The following E2F3 variants were observed in gnomAD, a reference collection of about 807,000 sequenced individuals.
E2F3 encodes transcription factor E2F3.
A neutral mutation model predicts 44.4 loss-of-function variants in E2F3; 11 were observed. That is an observed-to-expected ratio of 0.25 (90% CI 0.16 to 0.41). E2F3 has a LOEUF of 0.41. Among genes scored for constraint, E2F3 ranks in the 10% least tolerant of loss-of-function variants. The pLI, the probability that E2F3 is intolerant of heterozygous loss-of-function variation, is 1.00. For synonymous variants in E2F3, 249 were observed against 253.0 expected (o/e 0.98, Z 0.15); for missense variants, 487 against 583.6 (o/e 0.83, Z 1.70).
rs1466106877 is a variant in E2F3 at position 20,402,564 on chromosome 6, G to GGCT, written c.338_340dup (p.Leu113dup). ...CCGCACGGACCCTCCAGCAGAGCCG[G>GGCT]GCTGCTGCAGCAGCCACCAGCGCTG... On this transcript the variant is annotated inframe_insertion, in exon 1 of 7. Coordinates refer to ENST00000346618, the MANE Select transcript of E2F3 (RefSeq NM_001949.5). This position sits in a 1 kb window ranked among gnomAD's most constrained non-coding sequence, Gnocchi z 5.6. 6.5e-7 allele frequency: 1 copy of GGCT among 1,549,628 alleles called. No homozygotes were observed. Among genetic ancestry groups the GGCT allele is most frequent in the African/African-American group, 1.4e-5 (1 of 70,528 alleles).
intron 1 of E2F3, among the ~76,000 whole-genome samples, chr6:20,417,086 T>C (rs182619932): frequency 7.9e-5 from 12 of 152,372 alleles, no homozygotes; most frequent in Middle Eastern, 3.4e-3. Context: ...CCTTCAGTTT[T>C]TATTGGCTTC....
chr6:20,464,050 G>T (rs1366124617), intron 1 of E2F3, among the ~76,000 whole-genome samples: 1 of 152,208 alleles, frequency 6.6e-6, no homozygotes, highest in African/African-American at 2.4e-5. Flanking sequence ...ACAGGGCGAG[G>T]TATGGGGGCA....
Position 20,429,474 on chromosome 6 carries a change from A to G in E2F3, c.393+26849A>G, listed in dbSNP as rs544059954. On this transcript the variant is annotated intron_variant, in intron 1 of 6. Coordinates refer to ENST00000346618, the MANE Select transcript of E2F3 (RefSeq NM_001949.5). ...TTCCCCAACCCTCATTCCTTACTGT[A>G]TAGGAAAAAACAGTATGTATAGGGT... Among the ~76,000 whole-genome samples, 9 of 152,242 alleles carry G rather than the reference A, an allele frequency of 5.9e-5. 1 individual carries two copies. Among genetic ancestry groups the G allele is most frequent in the African/African-American group, 2.2e-4 (9 of 41,544 alleles).
intron 1 of E2F3, among the ~76,000 whole-genome samples, chr6:20,410,762 G>A (rs551738527): frequency 4.4e-4 from 67 of 152,284 alleles, no homozygotes; most frequent in South Asian, 2.9e-3. Context: ...GGGATTACAG[G>A]TGTGCGCCAC....
chr6:20,483,045 CTGTGTGTGTA>C (rs1762282393), intron 4 of E2F3, 125 bp downstream of exon 4: 5 of 1,412,268 alleles, frequency 3.5e-6, no homozygotes, highest in African/African-American at 1.4e-5. Context: ...ACCTGTGTGC[CTGTGTGTGTA>C]TGTGTGTGTG....
intron 1 of E2F3, among the ~76,000 whole-genome samples, chr6:20,471,237 A>G (rs777016919): frequency 6.6e-6 from 1 of 152,166 alleles, no homozygotes; most frequent in African/African-American, 2.4e-5. Context: ...ACATTTCAAG[A>G]TATAAATGTA....
chr6:20,422,532 A>G (rs140623379), intron 1 of E2F3, among the ~76,000 whole-genome samples: 27 of 152,304 alleles, frequency 1.8e-4, no homozygotes, highest in Admixed American at 2.6e-4. Context: ...TTTTTTGCCT[A>G]TTTCAGGTTT....
chr6:20,475,856 G>A (rs1004431016), intron 1 of E2F3, among the ~76,000 whole-genome samples: 5 of 152,186 alleles, frequency 3.3e-5, no homozygotes, highest in Non-Finnish European at 7.3e-5. Context: ...GCTTTCTGTA[G>A]AGAAGGCCTC....
intron 1 of E2F3, among the ~76,000 whole-genome samples, chr6:20,436,976 C>T (rs1298545826): frequency 6.6e-6 from 1 of 152,038 alleles, no homozygotes; most frequent in African/African-American, 2.4e-5. Flanking sequence ...AAAAATTAGC[C>T]AGGTGTGGTG....
chr6:20,441,912 G>C (rs1220892266), intron 1 of E2F3, among the ~76,000 whole-genome samples: 1 of 151,810 alleles, frequency 6.6e-6, no homozygotes, highest in African/African-American at 2.4e-5. Context: ...TTTCCACAGC[G>C]GGTGCCCCAT....
rs1342552827 is a variant in E2F3 at position 20,402,847 on chromosome 6, G to T, written c.393+222G>T. On this transcript the variant is annotated intron_variant, in intron 1 of 6. Transcript: ENST00000346618. The surrounding 1 kb of genome is among the most constrained non-coding windows in gnomAD (Gnocchi z 5.6). ...CCAGGCGCGCGGGGCGGCGGGGATT[G>T]CCTTGGCGCGAACCACATCAAACAC... 6.6e-6 allele frequency among the ~76,000 whole-genome samples: 1 copy of T among 152,120 alleles called. No homozygotes were observed.
intron 4 of E2F3, 106 bp downstream of exon 4, chr6:20,483,026 C>A: frequency 1.3e-6 from 2 of 1,511,400 alleles, no homozygotes; most frequent in Non-Finnish European, 9.1e-7. Context: ...TGATGTCATG[C>A]AAATGAGTAC....
At chr6:20,438,331 T>TA (rs1760661230) in intron 1 of E2F3, among the ~76,000 whole-genome samples, 1 of 152,232 alleles carries the variant, frequency 6.6e-6, no homozygotes, top group African/African-American at 2.4e-5. Flanking sequence ...CTAATTTGCA[T>TA]AATCTTACAC....
chr6:20,402,923 C>T lies in E2F3; in HGVS notation c.393+298C>T, dbSNP rs1268578623. On this transcript the variant is annotated intron_variant, in intron 1 of 6. Transcript: ENST00000346618. This position sits in a 1 kb window ranked among gnomAD's most constrained non-coding sequence, Gnocchi z 5.6. ...TCTTTTCCTGCACTTTTCCCTACCC[C>T]CACTCTCCCTTCCCCTCCAACTCGA... Among the ~76,000 whole-genome samples the T allele has an allele frequency of 6.6e-6, 1 of 152,154 alleles. No homozygotes were observed.
rs577028499 is a variant in E2F3 at position 20,454,369 on chromosome 6, C to T, written c.394-25477C>T. 7.7e-4 allele frequency among the ~76,000 whole-genome samples: 117 copies of T among 152,308 alleles called. 2 individuals are homozygous for T. The South Asian group carries it at 0.022, about 29-fold the overall frequency. On this transcript the variant is annotated intron_variant, in intron 1 of 6. Coordinates refer to ENST00000346618, the MANE Select transcript of E2F3 (RefSeq NM_001949.5). Reference sequence around the variant, plus strand: ...TAATTTCATAATGGCAGTTTACAACCCTATAGCACTGCCTTGTGGGCGGAT... The same window carrying T: ...TAATTTCATAATGGCAGTTTACAACTCTATAGCACTGCCTTGTGGGCGGAT...
intron 1 of E2F3, among the ~76,000 whole-genome samples, chr6:20,464,874 G>A (rs1246036512): frequency 6.6e-6 from 1 of 152,116 alleles, no homozygotes; most frequent in Non-Finnish European, 1.5e-5. Flanking sequence ...ACAGGTTTCG[G>A]TCGTACAATT....
chr6:20,486,187 C>T (rs977765692), intron 4 of E2F3, among the ~76,000 whole-genome samples: 2 of 152,136 alleles, frequency 1.3e-5, no homozygotes, highest in African/African-American at 4.8e-5. Context: ...CGGGATAAAG[C>T]TATTCATTTC....
chr6:20,463,991 T>C (rs774513697), intron 1 of E2F3, among the ~76,000 whole-genome samples: 16 of 152,208 alleles, frequency 1.1e-4, no homozygotes, highest in Non-Finnish European at 2.1e-4. Flanking sequence ...AAACAGCATT[T>C]ACTGGTTTAT....
rs181306784 is a variant in E2F3 at position 20,433,789 on chromosome 6, G to C, written c.393+31164G>C. Reference sequence around the variant, plus strand: ...TAAAAAAGCACTAGCCTGAGAAAAGGGGTCCAATAGACTTCATCAGGAGGC... The same window carrying C: ...TAAAAAAGCACTAGCCTGAGAAAAGCGGTCCAATAGACTTCATCAGGAGGC... On this transcript the variant is annotated intron_variant, in intron 1 of 6. Transcript: ENST00000346618. 1.5e-4 allele frequency among the ~76,000 whole-genome samples: 23 copies of C among 151,974 alleles called. No homozygotes were observed. In the East Asian group the frequency reaches 4.5e-3, roughly 29 times the overall value.
Sources: gnomAD v4.1 joint callset for allele counts (sites outside exome capture counted in the v4.1 genomes callset) on GRCh38, gnomAD v4.1.1 for gene constraint, Gnocchi (gnomAD v3.1) non-coding constraint, MANE v1.5 for transcripts, NCBI Gene and HGNC (gene_info 2026-07-23, HGNC 2026-07-21) for gene names.